Variants in RHBDD1 observed in about 807,000 individuals in gnomAD.
RHBDD1 encodes the protein rhomboid domain containing 1.
A neutral mutation model predicts 36.3 loss-of-function variants in RHBDD1; 38 were observed. The ratio of observed to expected loss-of-function variants is 1.05; its 90% CI spans 0.81 to 1.37. The LOEUF (loss-of-function observed/expected upper bound fraction) is 1.37, where lower values mean the gene tolerates loss of function less well. RHBDD1 is among the 40% of genes most tolerant of loss of function. The pLI is 0.00. For synonymous variants in RHBDD1, 151 were observed against 136.5 expected (o/e 1.11, Z -0.74); for missense variants, 393 against 377.6 (o/e 1.04, Z -0.34).
chr2:226,964,611 T>C (rs1952481312), intron 8 of RHBDD1, among the ~76,000 whole-genome samples: 3 of 152,224 alleles, frequency 2.0e-5, no homozygotes, highest in Non-Finnish European at 4.4e-5. Context: ...TCTGAGCCTC[T>C]AAAATTACAA....
intron 8 of RHBDD1, among the ~76,000 whole-genome samples, chr2:226,941,333 G>A (rs1327663660): frequency 5.3e-5 from 8 of 152,148 alleles, no homozygotes; most frequent in African/African-American, 1.7e-4. Flanking sequence ...CTTCTCCATC[G>A]GCCTTCAGCC....
chr2:226,883,706 A>G (rs1945972314), intron 5 of RHBDD1, among the ~76,000 whole-genome samples: 1 of 152,154 alleles, frequency 6.6e-6, no homozygotes, highest in Non-Finnish European at 1.5e-5. Context: ...CTTGAGTACT[A>G]TGTTGGATGT....
At chr2:226,823,357 C>A in the RHBDD1 span, among the ~76,000 whole-genome samples, 12 of 152,166 alleles carry the variant, frequency 7.9e-5, no homozygotes, top group Non-Finnish European at 1.8e-4. Context: ...TGGATTAAGA[C>A]ACAGTCAATT....
chr2:226,842,749 G>A (rs1941801349), intron 3 of RHBDD1, among the ~76,000 whole-genome samples: 1 of 152,162 alleles, frequency 6.6e-6, no homozygotes, highest in Non-Finnish European at 1.5e-5. Context: ...TTTTTGCTAA[G>A]AATTGTTTTG....
intron 5 of RHBDD1, chr2:226,906,570 T>A: frequency 1.1e-6 from 1 of 903,360 alleles, no homozygotes; most frequent in Non-Finnish European, 1.6e-6. Context: ...TAAGGAGGGG[T>A]GTTGCGTTTT....
intron 2 of RHBDD1, among the ~76,000 whole-genome samples, 170 bp from the exon 3 acceptor site, chr2:226,839,239 C>A (rs1006647863): frequency 6.6e-6 from 1 of 151,652 alleles, no homozygotes; most frequent in Non-Finnish European, 1.5e-5. Context: ...GGGTGGGGAC[C>A]AAGTATAAAA....
chr2:226,848,425 T>A (rs904099896), intron 3 of RHBDD1, among the ~76,000 whole-genome samples: 1 of 152,196 alleles, frequency 6.6e-6, no homozygotes, highest in Non-Finnish European at 1.5e-5. Context: ...AGTCAAAGTG[T>A]CATATCTTAC....
intron 8 of RHBDD1, among the ~76,000 whole-genome samples, chr2:226,942,300 A>C (rs894949357): frequency 3.3e-5 from 5 of 149,852 alleles, no homozygotes; most frequent in Non-Finnish European, 5.9e-5. Flanking sequence ...GTGCAGTGGC[A>C]TGATCTCGGC....
chr2:226,957,570 CAA>C (rs72005765), intron 8 of RHBDD1, among the ~76,000 whole-genome samples: 1 of 146,106 alleles, frequency 6.8e-6, no homozygotes, highest in Admixed American at 6.8e-5. Flanking sequence ...CGCCCCCACC[CAA>C]AAAAAAAAGA....
chr2:226,835,572 C>A (rs974458692), upstream of RHBDD1: 4 of 152,382 alleles, frequency 2.6e-5, no homozygotes, highest in South Asian at 6.2e-4. Flanking sequence ...GTATCTGACC[C>A]TTCCAGGCAG....
At chr2:226,945,366 G>A (rs1445111638) in intron 8 of RHBDD1, among the ~76,000 whole-genome samples, 4 of 151,906 alleles carry the variant, frequency 2.6e-5, no homozygotes, top group African/African-American at 9.7e-5. Flanking sequence ...ATGTCCATGT[G>A]TTCTCATTGC....
In RHBDD1 at chr2:226,842,352, G is replaced by A. The variant is rs149441452; in HGVS notation, c.-91+2725G>A. On this transcript the variant is annotated intron_variant, in intron 3 of 8. Coordinates refer to ENST00000392062, the MANE Select transcript of RHBDD1 (RefSeq NM_001167608.3). ...CAATTGCTTTTGGTGTTTTCATCATGAAATCTTTGCCCATACCTATGTCCT... is the reference window on the plus strand; with the variant it reads ...CAATTGCTTTTGGTGTTTTCATCATAAAATCTTTGCCCATACCTATGTCCT... Among the ~76,000 whole-genome samples, 702 of 152,216 alleles carry A rather than the reference G, an allele frequency of 4.6e-3. 16 individuals carry two copies. The East Asian group carries it at 0.059, about 13-fold the overall frequency.
Position 226,864,604 on chromosome 2 carries a change from G to T in RHBDD1, c.-90G>T, listed in dbSNP as rs1244822103. 2 of 1,023,542 alleles carry T rather than the reference G, an allele frequency of 2.0e-6. No individual in the cohort carries two copies. The highest frequency in any genetic ancestry group is 1.5e-6 in the Non-Finnish European group (1 of 679,564). 63.4% of individuals were successfully genotyped at this position (1,023,542 alleles called of 1,614,324 possible). A position where few individuals can be genotyped will look rare whatever the true frequency, so the allele number is the denominator to read the frequency against. The stretch of plus-strand genomic sequence containing the variant: ...TTTTCACATGCATTTTGTGTTTTAG[G>T]TTCAGCCGTCTGTATATCTCCCCAG... On this transcript the variant is annotated splice_region_variant and 5_prime_UTR_variant, in exon 4 of 9. Coordinates refer to ENST00000392062, the MANE Select transcript of RHBDD1 (RefSeq NM_001167608.3).
chr2:226,874,633 T>G (rs865774554), intron 5 of RHBDD1, among the ~76,000 whole-genome samples: 9 of 152,312 alleles, frequency 5.9e-5, no homozygotes, highest in African/African-American at 2.2e-4. Context: ...CGTCTCTTTC[T>G]TATCAGGACA....
At chr2:226,936,000 G>T (rs957811852) in intron 8 of RHBDD1, among the ~76,000 whole-genome samples, 24 of 152,122 alleles carry the variant, frequency 1.6e-4, no homozygotes, top group African/African-American at 5.8e-4. Context: ...AGCCAGGACA[G>T]AGATGTACGA....
rs374229264 is a variant in RHBDD1 at position 226,893,682 on chromosome 2, GA to G, written c.567-13110del. Among the ~76,000 whole-genome samples the G allele has an allele frequency of 2.0e-3, 311 of 152,304 alleles. 3 individuals are homozygous for G. The highest frequency in any genetic ancestry group is 0.014 in the Middle Eastern group (4 of 294). On this transcript the variant is annotated intron_variant, in intron 5 of 8. Transcript: ENST00000392062. ...TGCTAAGCCAGTGGTTTTCCACTGG[GA>G]TGGGTGGCTTTGTCCCCAGGAGGGA...
chr2:226,936,012 T>C (rs1215905468), intron 8 of RHBDD1, among the ~76,000 whole-genome samples: 2 of 152,278 alleles, frequency 1.3e-5, no homozygotes, highest in African/African-American at 4.8e-5. Context: ...GATGTACGAC[T>C]AATTCTGTGT....
chr2:226,951,057 G>C (rs1262398076), intron 8 of RHBDD1, among the ~76,000 whole-genome samples: 1 of 152,030 alleles, frequency 6.6e-6, no homozygotes, highest in Non-Finnish European at 1.5e-5. Flanking sequence ...CAATGTAATG[G>C]AGCTCTTCCC....
At chr2:226,970,985 T>C (rs184181610) in intron 8 of RHBDD1, among the ~76,000 whole-genome samples, 1 of 152,358 alleles carries the variant, frequency 6.6e-6, no homozygotes, top group East Asian at 1.9e-4. Flanking sequence ...GTGTATAATA[T>C]ATATCATCAT....
Sources: allele counts gnomAD v4.1 joint callset (sites outside exome capture counted in the v4.1 genomes callset), GRCh38; gene constraint gnomAD v4.1.1; transcripts MANE v1.5; gene names NCBI Gene and HGNC (gene_info 2026-07-23, HGNC 2026-07-21).